ATXN2: variants seen among roughly 807,000 people sequenced by gnomAD.
ATXN2 encodes ataxin-2.
Under a neutral mutation model 138.6 loss-of-function variants are expected in ATXN2, and 37 were observed. The ratio of observed to expected loss-of-function variants is 0.27; its 90% CI spans 0.21 to 0.35. ATXN2 has a LOEUF of 0.35. Among genes scored for constraint, ATXN2 ranks in the 10% least tolerant of loss-of-function variants. The pLI is 1.00. For missense variants in ATXN2, 1,216 were observed against 1,480.3 expected (o/e 0.82, Z 2.93); for synonymous variants, 549 against 543.7 (o/e 1.01, Z -0.13).
rs139644162 is a variant in ATXN2 at position 111,534,785 on chromosome 12, G to A, written c.572-9469C>T. On this transcript the variant is annotated intron_variant, in intron 5 of 24. Coordinates refer to ENST00000673436, the MANE Select transcript of ATXN2 (RefSeq NM_001372574.1). Reference sequence around the variant, plus strand: ...CCAACCAAAGCCTTGTTTTAACTAAGAGTCAGCATGGGATCTCATCAGAGG... The same window carrying A: ...CCAACCAAAGCCTTGTTTTAACTAAAAGTCAGCATGGGATCTCATCAGAGG... Among the ~76,000 whole-genome samples, 361 of 152,132 alleles carry A rather than the reference G, an allele frequency of 2.4e-3. 1 individual carries two copies. Among genetic ancestry groups the A allele is most frequent in the African/African-American group, 8.2e-3 (341 of 41,498 alleles).
rs1177289113 is a variant in ATXN2 at position 111,552,783 on chromosome 12, A to C, written c.420+123T>G. ...TCTCTGATTACACAAACCAGTCTATAAAATAATCAGTATTTGAAACTGAGA... is the reference window on the plus strand; with the variant it reads ...TCTCTGATTACACAAACCAGTCTATCAAATAATCAGTATTTGAAACTGAGA... On this transcript the variant is annotated intron_variant, in intron 4 of 24. Transcript: ENST00000673436. This position sits in a 1 kb window ranked among gnomAD's most constrained non-coding sequence, Gnocchi z 4.1. The C allele has an allele frequency of 2.3e-5, 15 of 660,716 alleles. No individual in the cohort carries two copies. The highest frequency in any genetic ancestry group is 3.7e-5 in the Non-Finnish European group (15 of 403,902). 40.9% of individuals were successfully genotyped at this position (660,716 alleles called of 1,614,324 possible).
At chr12:111,553,604 A>AAAAATTTTTT (rs1882237738) in intron 3 of ATXN2, among the ~76,000 whole-genome samples, 7 of 84,996 alleles carry the variant, frequency 8.2e-5, no homozygotes, top group East Asian at 4.8e-4. Flanking sequence ...AAAAAAAAAA[A>AAAAATTTTTT]TTTTTTTTTT....
chr12:111,582,244 G>C (rs930944447), intron 1 of ATXN2, among the ~76,000 whole-genome samples: 2 of 152,058 alleles, frequency 1.3e-5, no homozygotes, highest in African/African-American at 4.8e-5. Flanking sequence ...AGGAGTTTGA[G>C]ACCAACCTGG....
chr12:111,486,662 C>T (rs1455645389), intron 16 of ATXN2, 99 bp downstream of exon 16: 2 of 1,045,926 alleles, frequency 1.9e-6, no homozygotes, highest in Non-Finnish European at 2.9e-6. Context: ...GTTCAGCACA[C>T]TAAAACAAAA....
At chr12:111,565,915 G>A (rs549817733) in intron 1 of ATXN2, among the ~76,000 whole-genome samples, 7 of 151,360 alleles carry the variant, frequency 4.6e-5, no homozygotes, top group Non-Finnish European at 1.0e-4. Context: ...AGAATTGCTT[G>A]AACCTCAGAG....
chr12:111,488,964 C>A (rs1270957451), intron 14 of ATXN2, among the ~76,000 whole-genome samples, 184 bp from the exon 15 acceptor site: 1 of 152,106 alleles, frequency 6.6e-6, no homozygotes, highest in Non-Finnish European at 1.5e-5. Context: ...TATAGCACAA[C>A]CACAGTCACC....
In ATXN2 at chr12:111,552,167, C is replaced by T. The variant is rs116512134; in HGVS notation, c.571+113G>A. ...AAGTGCTAAGATTACAGGAATGAGC[C>T]GCCATACCCAGCCCAGATATTTCTT... On this transcript the variant is annotated intron_variant, in intron 5 of 24. Coordinates refer to ENST00000673436, the MANE Select transcript of ATXN2 (RefSeq NM_001372574.1). The surrounding 1 kb of genome is among the most constrained non-coding windows in gnomAD (Gnocchi z 4.1). 3.1e-3 allele frequency: 3,547 copies of T among 1,149,480 alleles called. 89 individuals carry two copies. In the African/African-American group the frequency reaches 0.047, roughly 15 times the overall value. 71.2% of individuals were successfully genotyped at this position (1,149,480 alleles called of 1,614,324 possible). A position where few individuals can be genotyped will look rare whatever the true frequency, so the allele number is the denominator to read the frequency against.
At chr12:111,555,805 C>G in intron 2 of ATXN2, 78 bp downstream of exon 2, 1 of 1,206,258 alleles carries the variant, frequency 8.3e-7, no homozygotes, top group African/African-American at 1.6e-5. Flanking sequence ...GAATCTTTTG[C>G]CTTGGCATTT....
chr12:111,502,014 C>T (rs1878803826), intron 14 of ATXN2, among the ~76,000 whole-genome samples: 1 of 152,150 alleles, frequency 6.6e-6, no homozygotes, highest in Non-Finnish European at 1.5e-5. Flanking sequence ...ACCTCAGCCT[C>T]CTGAGTAGCT....
intron 14 of ATXN2, among the ~76,000 whole-genome samples, chr12:111,493,945 T>C (rs966840038): frequency 4.0e-5 from 6 of 151,344 alleles, no homozygotes; most frequent in African/African-American, 1.5e-4. Flanking sequence ...TTTTGTATTG[T>C]TTTTTGAGAC....
intron 20 of ATXN2, among the ~76,000 whole-genome samples, chr12:111,465,219 T>C (rs909475236): frequency 1.3e-5 from 2 of 152,052 alleles, no homozygotes; most frequent in Non-Finnish European, 1.5e-5. Flanking sequence ...TTTGAGTGTA[T>C]TTAAATACAC....
chr12:111,475,453 C>A (rs1429958446), intron 18 of ATXN2, among the ~76,000 whole-genome samples: 1 of 137,538 alleles, frequency 7.3e-6, no homozygotes, highest in Non-Finnish European at 1.6e-5. Flanking sequence ...CTAATTGGAA[C>A]AAATTATTGT....
At chr12:111,514,651 A>G (rs1879755058) in intron 10 of ATXN2, among the ~76,000 whole-genome samples, 1 of 151,884 alleles carries the variant, frequency 6.6e-6, no homozygotes, top group Admixed American at 6.6e-5. Context: ...CAGCCTCCCA[A>G]GTAGCTGGGT....
At chr12:111,553,253 A>G (rs2135786816) in intron 3 of ATXN2, among the ~76,000 whole-genome samples, 2 of 152,280 alleles carry the variant, frequency 1.3e-5, no homozygotes, top group South Asian at 4.1e-4. Flanking sequence ...ACAAAAGACA[A>G]TCAACTACTA....
intron 23 of ATXN2, chr12:111,455,603 T>G: frequency 3.3e-6 from 1 of 300,374 alleles, no homozygotes; most frequent in Non-Finnish European, 6.4e-6. Context: ...AACAATCAAG[T>G]TGACAGGCCC....
intron 5 of ATXN2, among the ~76,000 whole-genome samples, chr12:111,551,272 G>A (rs906607073): frequency 5.3e-5 from 8 of 150,680 alleles, no homozygotes; most frequent in Admixed American, 3.3e-4. Flanking sequence ...ACTCCACCCA[G>A]GGGACAGAAC....
intron 8 of ATXN2, among the ~76,000 whole-genome samples, chr12:111,518,707 T>C (rs1879990297): frequency 6.6e-6 from 1 of 152,208 alleles, no homozygotes; most frequent in Non-Finnish European, 1.5e-5. Flanking sequence ...CCATCAATCT[T>C]GGTCTATCTT....
chr12:111,531,929 T>C (rs1880859123), intron 5 of ATXN2, among the ~76,000 whole-genome samples: 1 of 152,212 alleles, frequency 6.6e-6, no homozygotes, highest in South Asian at 2.1e-4. Context: ...AACAATGAAA[T>C]GCAGTTATCA....
chr12:111,572,025 A>AG (rs1566071924), intron 1 of ATXN2, among the ~76,000 whole-genome samples: 13 of 149,548 alleles, frequency 8.7e-5, no homozygotes, highest in East Asian at 4.6e-4. Flanking sequence ...AAAAAAAAAA[A>AG]AGGGGCTTTT....
Sources: gnomAD v4.1 joint callset for allele counts (sites outside exome capture counted in the v4.1 genomes callset) on GRCh38, gnomAD v4.1.1 for gene constraint, Gnocchi (gnomAD v3.1) non-coding constraint, MANE v1.5 for transcripts, NCBI Gene and HGNC (gene_info 2026-07-23, HGNC 2026-07-21) for gene names.